The following TULP4 variants were observed in gnomAD, a reference collection of about 807,000 sequenced individuals.
TULP4 encodes tubby-related protein 4.
In TULP4, 16 loss-of-function variants were observed where a neutral mutation model predicts 129.0. The ratio of observed to expected loss-of-function variants is 0.12; its 90% CI spans 0.08 to 0.19. The LOEUF (loss-of-function observed/expected upper bound fraction) is 0.19. Among genes scored for constraint, TULP4 ranks in the 10% least tolerant of loss-of-function variants. TULP4 has a pLI of 1.00. For missense variants in TULP4, 1,842 were observed against 2,059.1 expected (o/e 0.89, Z 2.04); for synonymous variants, 998 against 854.0 (o/e 1.17, Z -2.94).
Position 158,401,329 on chromosome 6 carries a change from C to T in TULP4, c.253-11736C>T, listed in dbSNP as rs575563383. On this transcript the variant is annotated intron_variant, in intron 1 of 13. Transcript: ENST00000367097. ...GCTCAAGCGAGCTGTCAGCCTCGGC[C>T]TCCCAAAGTGGTAGAATTACAGGCA... Among the ~76,000 whole-genome samples, 10 of 152,274 alleles carry T rather than the reference C, an allele frequency of 6.6e-5. No homozygotes were observed. In the East Asian group the frequency reaches 1.9e-3, roughly 29 times the overall value.
chr6:158,350,169 G>A (rs1206491696), intron 1 of TULP4, among the ~76,000 whole-genome samples: 1 of 151,802 alleles, frequency 6.6e-6, no homozygotes, highest in African/African-American at 2.4e-5. Context: ...TCCCAGACGG[G>A]GCGGCCGGGC....
chr6:158,242,563 CGCAATATGCCTTTTCAAA>C, intron 1 of TULP4: 1 of 737,228 alleles, frequency 1.4e-6, no homozygotes. Context: ...AGCCTGTACT[CGCAATATGCCTTTTCAAA>C]GGAGAGAGAG....
At chr6:158,337,755 A>G (rs1345235653) in intron 1 of TULP4, among the ~76,000 whole-genome samples, 1 of 151,564 alleles carries the variant, frequency 6.6e-6, no homozygotes, top group Non-Finnish European at 1.5e-5. Context: ...GACCAAGAGT[A>G]TTCAAAAATT....
At chr6:158,467,277 C>CTTTTTT (rs59276592) in intron 6 of TULP4, among the ~76,000 whole-genome samples, 2 of 140,876 alleles carry the variant, frequency 1.4e-5, no homozygotes, top group Non-Finnish European at 1.6e-5. Flanking sequence ...CTTTCCCTTT[C>CTTTTTT]TTTTTTTTTT....
chr6:158,277,765 G>T (rs771824564), upstream of TULP4, among the ~76,000 whole-genome samples: 2 of 152,154 alleles, frequency 1.3e-5, no homozygotes, highest in Admixed American at 6.5e-5. Flanking sequence ...TTAATTCGGG[G>T]ACTTCTTGAG....
At chr6:158,302,611 G>A (rs143551793) in intron 1 of TULP4, among the ~76,000 whole-genome samples, 1 of 152,286 alleles carries the variant, frequency 6.6e-6, no homozygotes, top group East Asian at 1.9e-4. Flanking sequence ...ATCCAAACAG[G>A]TGTTTCAGAT....
intron 2 of TULP4, among the ~76,000 whole-genome samples, chr6:158,422,340 G>C (rs1778364492): frequency 6.6e-6 from 1 of 152,204 alleles, no homozygotes; most frequent in African/African-American, 2.4e-5. Context: ...TAAGATGCAG[G>C]TAGTTCAATG....
At chr6:158,261,379 A>G (rs1198803654) in intron 1 of TULP4, among the ~76,000 whole-genome samples, 5 of 152,234 alleles carry the variant, frequency 3.3e-5, no homozygotes, top group Non-Finnish European at 7.3e-5. Flanking sequence ...CATAAGCGCT[A>G]CAAGTACACT....
rs180698473 is a variant in TULP4 at position 158,500,326 on chromosome 6, G to C, written c.2015-1352G>C. Among the ~76,000 whole-genome samples the C allele has an allele frequency of 2.2e-4, 33 of 152,306 alleles. No individual in the cohort carries two copies. The Middle Eastern group carries it at 0.01, about 47-fold the overall frequency. On this transcript the variant is annotated intron_variant, in intron 12 of 13. Coordinates refer to ENST00000367097, the MANE Select transcript of TULP4 (RefSeq NM_020245.5). ...AAGAGGGATCTGAACAGGAATCATA[G>C]GAAACCTGAGACAGACCCAAATTTG...
At position 158,315,903 on chromosome 6, in the gene TULP4, T is replaced by C. The variant is rs563291180; in HGVS notation, c.252+1635T>C. Among the ~76,000 whole-genome samples the C allele has an allele frequency of 1.6e-4, 25 of 152,326 alleles. No homozygotes were observed. In the South Asian group the frequency reaches 4.1e-3, roughly 25 times the overall value. On this transcript the variant is annotated intron_variant, in intron 1 of 13. Coordinates refer to ENST00000367097, the MANE Select transcript of TULP4 (RefSeq NM_020245.5). Reference sequence around the variant, plus strand: ...TCAAGACCTGATCACCTCCCAAAGGTCCCACCTCTTGATACCACCACATGG... The same window carrying C: ...TCAAGACCTGATCACCTCCCAAAGGCCCCACCTCTTGATACCACCACATGG...
intron 1 of TULP4, among the ~76,000 whole-genome samples, chr6:158,409,144 C>A (rs1778030170): frequency 6.6e-6 from 1 of 152,132 alleles, no homozygotes; most frequent in African/African-American, 2.4e-5. Context: ...AAAAGTAGTT[C>A]TAGGTGTAAG....
intron 1 of TULP4, among the ~76,000 whole-genome samples, chr6:158,381,023 G>A (rs561085424): frequency 2.5e-4 from 38 of 152,062 alleles, no homozygotes; most frequent in African/African-American, 8.4e-4. Context: ...GAGCCCTTCC[G>A]AGTCCCATGA....
At chr6:158,481,470 G>A (rs190185462) in intron 8 of TULP4, 181 bp downstream of exon 8, 17 of 647,758 alleles carry the variant, frequency 2.6e-5, no homozygotes, top group Non-Finnish European at 3.0e-5. Flanking sequence ...TTCTCTAAAT[G>A]TACTTTTTGA....
rs553641379 is a variant in TULP4, at chr6:158,429,461, G to T, written c.382-275G>T. Among the ~76,000 whole-genome samples the T allele has an allele frequency of 6.8e-3, 1,028 of 152,242 alleles. 9 individuals are homozygous for T. The highest frequency in any genetic ancestry group is 0.023 in the African/African-American group (959 of 41,526). ...GCCCCGACTAATTCTTAAAATTTTT[G>T]TAGAGGTAGTATCTCGTTATTTTGT... On this transcript the variant is annotated intron_variant, in intron 2 of 13. Coordinates refer to ENST00000367097, the MANE Select transcript of TULP4 (RefSeq NM_020245.5).
At chr6:158,444,199 G>A (rs1161318836) in intron 3 of TULP4, among the ~76,000 whole-genome samples, 18 of 105,366 alleles carry the variant, frequency 1.7e-4, no homozygotes, top group Admixed American at 3.1e-4. Flanking sequence ...CAGCCTGGGC[G>A]ACAGAGCAAG....
At chr6:158,377,614 A>T (rs1234769459) in intron 1 of TULP4, among the ~76,000 whole-genome samples, 1 of 152,216 alleles carries the variant, frequency 6.6e-6, no homozygotes, top group East Asian at 1.9e-4. Context: ...AGTGTTGAGA[A>T]TATGGAGATG....
intron 1 of TULP4, among the ~76,000 whole-genome samples, chr6:158,274,798 A>G (rs1036727585): frequency 3.3e-5 from 5 of 151,318 alleles, no homozygotes; most frequent in Non-Finnish European, 7.4e-5. Flanking sequence ...ACAAAAAACC[A>G]AAACCTTCCA....
chr6:158,506,266 C>T (rs1342840008), intron 13 of TULP4, among the ~76,000 whole-genome samples: 1 of 117,476 alleles, frequency 8.5e-6, no homozygotes, highest in African/African-American at 3.2e-5. Context: ...GAAGTCTCCT[C>T]TGTCGCCCAG....
At chr6:158,288,683 G>A (rs1006967178) in intron 1 of TULP4, among the ~76,000 whole-genome samples, 4 of 152,072 alleles carry the variant, frequency 2.6e-5, no homozygotes, top group African/African-American at 4.8e-5. Flanking sequence ...TGTATTTTTA[G>A]TAGAGACGGG....
Sources: gnomAD v4.1 joint callset for allele counts (sites outside exome capture counted in the v4.1 genomes callset) on GRCh38, gnomAD v4.1.1 for gene constraint, MANE v1.5 for transcripts, NCBI Gene and HGNC (gene_info 2026-07-23, HGNC 2026-07-21) for gene names.